Variants in EPB41L5 observed in about 807,000 individuals in gnomAD.
EPB41L5 encodes the protein band 4.1-like protein 5.
In EPB41L5, 55 loss-of-function variants were observed where a neutral mutation model predicts 106.6. That is an observed-to-expected ratio of 0.52 (90% CI 0.42 to 0.65). EPB41L5 has a LOEUF of 0.65. EPB41L5 is among the 30% of genes least tolerant of loss of function. The pLI, the probability that EPB41L5 is intolerant of heterozygous loss-of-function variation, is 0.00. For synonymous variants in EPB41L5, 297 were observed against 306.7 expected, an observed-to-expected ratio of 0.97 and a Z score of 0.33; for missense variants, 871 against 882.1, an observed-to-expected ratio of 0.99 and a Z score of 0.16.
At chr2:120,145,737 G>A (rs749774980) in intron 19 of EPB41L5, among the ~76,000 whole-genome samples, 24 of 152,172 alleles carry the variant, frequency 1.6e-4, no homozygotes, top group Non-Finnish European at 2.9e-4. Flanking sequence ...TTGACATCAG[G>A]AGAGTTCAAG....
At chr2:120,103,322 C>G (rs1390887004) in intron 16 of EPB41L5, among the ~76,000 whole-genome samples, 2 of 152,180 alleles carry the variant, frequency 1.3e-5, no homozygotes, top group Non-Finnish European at 2.9e-5. Context: ...ATGTTTCACT[C>G]TTAGAATTCT....
At chr2:120,173,062 T>TA (rs1357011522) in intron 24 of EPB41L5, among the ~76,000 whole-genome samples, 1 of 151,840 alleles carries the variant, frequency 6.6e-6, no homozygotes, top group African/African-American at 2.4e-5. Flanking sequence ...ACTTCGTTTC[T>TA]AAAAAACAAC....
At chr2:120,141,248 C>A (rs980910292) in intron 18 of EPB41L5, among the ~76,000 whole-genome samples, 2 of 152,104 alleles carry the variant, frequency 1.3e-5, no homozygotes, top group African/African-American at 4.8e-5. Context: ...TCTTGACCCT[C>A]AGGAAACTTT....
rs72954759 is a variant in EPB41L5, at chr2:120,148,514, C to A, written c.1793+2225C>A. Among the ~76,000 whole-genome samples, 1,203 of 152,186 alleles carry A rather than the reference C, an allele frequency of 7.9e-3. 21 individuals carry two copies. Among genetic ancestry groups the A allele is most frequent in the African/African-American group, 0.027 (1,125 of 41,546 alleles). On this transcript the variant is annotated intron_variant, in intron 20 of 24. Transcript: ENST00000263713. ...AACACTTTACCCATTAGCAGTCACT[C>A]CATATTCTGCTTCTTGCCCAGCACC...
At chr2:120,057,609 A>G (rs1030077479) in intron 3 of EPB41L5, among the ~76,000 whole-genome samples, 1 of 151,844 alleles carries the variant, frequency 6.6e-6, no homozygotes, top group Non-Finnish European at 1.5e-5. Flanking sequence ...TCTTTAAGAC[A>G]GTTACGCCGT....
At chr2:120,103,282 A>G (rs1436300242) in intron 16 of EPB41L5, among the ~76,000 whole-genome samples, 2 of 152,178 alleles carry the variant, frequency 1.3e-5, no homozygotes, top group Non-Finnish European at 2.9e-5. Context: ...GAGGACTCTG[A>G]TCAGTTCTGA....
chr2:120,065,753 G>A (rs920341517), intron 3 of EPB41L5, among the ~76,000 whole-genome samples: 2 of 152,140 alleles, frequency 1.3e-5, no homozygotes, highest in African/African-American at 4.8e-5. Context: ...CTGACCTCAG[G>A]TGATTGCCCG....
intron 1 of EPB41L5, among the ~76,000 whole-genome samples, chr2:120,018,038 T>C (rs908883273): frequency 1.2e-4 from 18 of 150,950 alleles, no homozygotes; most frequent in Non-Finnish European, 2.4e-4. Flanking sequence ...CTCGGCTCAC[T>C]GCAAGCTCCA....
chr2:120,068,717 A>G (rs1322213356), intron 3 of EPB41L5, among the ~76,000 whole-genome samples: 1 of 152,186 alleles, frequency 6.6e-6, no homozygotes, highest in African/African-American at 2.4e-5. Context: ...TTGGATAAAA[A>G]GTCAAGACAC....
chr2:120,164,980 G>A (rs1284660498), intron 22 of EPB41L5, 70 bp downstream of exon 22: 27 of 1,184,122 alleles, frequency 2.3e-5, no homozygotes, highest in Non-Finnish European at 3.3e-5. Context: ...CTAGATTCCA[G>A]TTTTTTCCTT....
At chr2:120,086,071 C>G (rs1220269276) in intron 10 of EPB41L5, among the ~76,000 whole-genome samples, 36 of 152,030 alleles carry the variant, frequency 2.4e-4, no homozygotes, top group Admixed American at 2.4e-3. Flanking sequence ...CATGGTGGCA[C>G]GCACCTGTAA....
chr2:120,127,547 T>C, intron 16 of EPB41L5, 141 bp from the exon 17 acceptor site: 2 of 621,688 alleles, frequency 3.2e-6, no homozygotes, highest in Non-Finnish European at 5.2e-6. Flanking sequence ...GTTTTTTTAA[T>C]TTTTATTTTT....
chr2:120,127,552 A>T, intron 16 of EPB41L5, 136 bp from the exon 17 acceptor site: 1 of 632,390 alleles, frequency 1.6e-6, no homozygotes, highest in Non-Finnish European at 2.5e-6. Flanking sequence ...TTTAATTTTT[A>T]TTTTTGTTTT....
chr2:120,090,599 T>A, intron 12 of EPB41L5, 83 bp downstream of exon 12: 2 of 1,235,384 alleles, frequency 1.6e-6, no homozygotes, highest in Admixed American at 2.2e-5. Flanking sequence ...TTTACAGATA[T>A]GGTAACTAAG....
chr2:120,118,589 T>C (rs1045318017), intron 16 of EPB41L5, among the ~76,000 whole-genome samples: 2 of 152,144 alleles, frequency 1.3e-5, no homozygotes, highest in African/African-American at 4.8e-5. Flanking sequence ...AGCTCCCAGT[T>C]GTAAGTGAGA....
At chr2:120,070,961 C>A (rs1284626841) in intron 3 of EPB41L5, among the ~76,000 whole-genome samples, 1 of 152,164 alleles carries the variant, frequency 6.6e-6, no homozygotes, top group Non-Finnish European at 1.5e-5. Context: ...CACTCCTATT[C>A]AGCATAGTAT....
intron 5 of EPB41L5, among the ~76,000 whole-genome samples, chr2:120,074,609 T>G (rs1375611527): frequency 1.3e-5 from 2 of 152,194 alleles, no homozygotes; most frequent in Non-Finnish European, 2.9e-5. Flanking sequence ...TCTGATTGGT[T>G]TGAATAGTTT....
At chr2:120,092,089 C>CATG (rs1300443610) in intron 13 of EPB41L5, among the ~76,000 whole-genome samples, 3 of 151,888 alleles carry the variant, frequency 2.0e-5, no homozygotes, top group Non-Finnish European at 4.4e-5. Flanking sequence ...AGTGCAGTGG[C>CATG]ATGATCTCAG....
rs1683345506 is a variant in EPB41L5, at chr2:120,090,622, A to AAGTAT, written c.1043+108_1043+109insTATAG. 4 of 1,003,978 alleles carry AAGTAT rather than the reference A, an allele frequency of 4.0e-6. No homozygotes were observed. The South Asian group carries it at 7.0e-5, about 18-fold the overall frequency. 62.2% of individuals were successfully genotyped at this position (1,003,978 alleles called of 1,614,324 possible). ...TATGGTAACTAAGGTATAGAGGAAT[A>AAGTAT]AGGTGGTTTGCCAGAGTCTTCCATT... On this transcript the variant is annotated intron_variant, in intron 12 of 24. Transcript: ENST00000263713.
Sources: allele counts gnomAD v4.1 joint callset (sites outside exome capture counted in the v4.1 genomes callset), GRCh38; gene constraint gnomAD v4.1.1; transcripts MANE v1.5; gene names NCBI Gene and HGNC (gene_info 2026-07-23, HGNC 2026-07-21).